Variants in CEP112 observed in about 807,000 individuals in gnomAD.
CEP112 encodes centrosomal protein 112, also known as centrosomal protein of 112 kDa.
A neutral mutation model predicts 153.0 loss-of-function variants in CEP112; 127 were observed. That is an observed-to-expected ratio of 0.83 (90% CI 0.72 to 0.96). CEP112 has a LOEUF of 0.96. Ranked by LOEUF, CEP112 falls within the 40% of genes least tolerant of loss-of-function variation. The pLI is 0.00. For missense variants in CEP112, 1,089 were observed against 1,101.2 expected (o/e 0.99, Z 0.16); for synonymous variants, 358 against 374.4 (o/e 0.96, Z 0.51).
At chr17:65,876,725 T>G (rs1324605801) in intron 20 of CEP112, among the ~76,000 whole-genome samples, 1 of 152,068 alleles carries the variant, frequency 6.6e-6, no homozygotes, top group Non-Finnish European at 1.5e-5. Flanking sequence ...TGAAATATAT[T>G]TTTACACTCT....
At chr17:65,735,363 C>G (rs1179418007) in intron 23 of CEP112, among the ~76,000 whole-genome samples, 2 of 152,122 alleles carry the variant, frequency 1.3e-5, no homozygotes. Context: ...CTACTTTTCT[C>G]TAAGACAGCC....
intron 6 of CEP112, among the ~76,000 whole-genome samples, chr17:66,125,841 T>C (rs543780734): frequency 4.4e-4 from 67 of 152,200 alleles, no homozygotes; most frequent in African/African-American, 1.6e-3. Context: ...AAAGAAAATA[T>C]TATCAATTCA....
intron 24 of CEP112, chr17:65,661,688 G>C (rs2046392692): frequency 6.6e-6 from 1 of 152,156 alleles, no homozygotes; most frequent in Non-Finnish European, 1.5e-5. Context: ...TGAAGTTTGA[G>C]ACCATTACAT....
intron 21 of CEP112, among the ~76,000 whole-genome samples, chr17:65,761,004 T>A (rs1053224436): frequency 6.6e-6 from 1 of 152,154 alleles, no homozygotes. Context: ...GCAGATTGTG[T>A]CTAGGTTATC....
At chr17:65,751,779 A>G (rs2145263701) in intron 21 of CEP112, among the ~76,000 whole-genome samples, 1 of 152,280 alleles carries the variant, frequency 6.6e-6, no homozygotes, top group East Asian at 1.9e-4. Flanking sequence ...CAGCATCATC[A>G]TTAACATCCC....
intron 8 of CEP112, among the ~76,000 whole-genome samples, chr17:66,075,341 A>G (rs1312463748): frequency 6.6e-6 from 1 of 152,230 alleles, no homozygotes; most frequent in Non-Finnish European, 1.5e-5. Context: ...AGTCCAGTGT[A>G]AGCGGCACAA....
chr17:65,717,002 C>T (rs1280742112), intron 23 of CEP112, among the ~76,000 whole-genome samples: 1 of 152,160 alleles, frequency 6.6e-6, no homozygotes, highest in Admixed American at 6.5e-5. Context: ...CATTTAGAAC[C>T]TTCAGAAGCC....
intron 4 of CEP112, among the ~76,000 whole-genome samples, chr17:66,174,451 A>G (rs1230315860): frequency 2.0e-5 from 3 of 152,338 alleles, no homozygotes; most frequent in Middle Eastern, 3.4e-3. Context: ...AGTATGGTAC[A>G]TGGTAATTGA....
At chr17:65,644,717 C>T (rs1164663621) in intron 24 of CEP112, 1 of 153,602 alleles carries the variant, frequency 6.5e-6, no homozygotes, top group Non-Finnish European at 1.4e-5. Flanking sequence ...AAAAATGCTT[C>T]AATCCCACTT....
At chr17:65,770,931 A>G (rs2053314063) in intron 21 of CEP112, among the ~76,000 whole-genome samples, 1 of 149,242 alleles carries the variant, frequency 6.7e-6, no homozygotes, top group Non-Finnish European at 1.5e-5. Flanking sequence ...TCCGTCTTAA[A>G]AAAAAAAAAA....
chr17:66,170,121 T>C (rs945409940), intron 4 of CEP112, among the ~76,000 whole-genome samples: 2 of 152,200 alleles, frequency 1.3e-5, no homozygotes, highest in Non-Finnish European at 2.9e-5. Context: ...GATGAAGTAA[T>C]GTAATCCTGG....
At chr17:66,114,207 T>A (rs1186486148) in intron 6 of CEP112, among the ~76,000 whole-genome samples, 1 of 152,222 alleles carries the variant, frequency 6.6e-6, no homozygotes, top group African/African-American at 2.4e-5. Flanking sequence ...ATGTAATAAC[T>A]TAGGCTAGAC....
At chr17:66,159,198 G>T (rs571982020) in intron 4 of CEP112, among the ~76,000 whole-genome samples, 8 of 152,264 alleles carry the variant, frequency 5.3e-5, no homozygotes, top group Non-Finnish European at 8.8e-5. Flanking sequence ...TGAAATTGAG[G>T]CAGTAATTAA....
intron 21 of CEP112, among the ~76,000 whole-genome samples, chr17:65,800,218 C>A (rs1390551273): frequency 1.3e-5 from 2 of 152,064 alleles, no homozygotes; most frequent in Non-Finnish European, 2.9e-5. Context: ...TCACCACAAT[C>A]TGATTCTGAT....
At chr17:65,870,082 AAAAG>A (rs1201998714) in intron 20 of CEP112, among the ~76,000 whole-genome samples, 1 of 73,256 alleles carries the variant, frequency 1.4e-5, no homozygotes. Context: ...AGAAAGAAAG[AAAAG>A]AAAGAAAGAG....
intron 21 of CEP112, among the ~76,000 whole-genome samples, chr17:65,814,270 C>A (rs1379550528): frequency 6.6e-6 from 1 of 152,156 alleles, no homozygotes; most frequent in East Asian, 1.9e-4. Flanking sequence ...ATTATTTCCT[C>A]AGTGAAGCCC....
intron 12 of CEP112, among the ~76,000 whole-genome samples, chr17:66,051,866 C>G (rs980055648): frequency 7.5e-6 from 1 of 133,066 alleles, no homozygotes; most frequent in Non-Finnish European, 1.6e-5. Flanking sequence ...AAAATGAGAT[C>G]ATGTCCCAAT....
At chr17:65,922,979 C>A (rs1202811846) in intron 19 of CEP112, among the ~76,000 whole-genome samples, 1 of 152,106 alleles carries the variant, frequency 6.6e-6, no homozygotes, top group Non-Finnish European at 1.5e-5. Flanking sequence ...AAACCAGTTT[C>A]CAAGCAACTT....
intron 12 of CEP112, among the ~76,000 whole-genome samples, chr17:66,041,211 A>C (rs1357894705): frequency 6.6e-6 from 1 of 151,788 alleles, no homozygotes; most frequent in Non-Finnish European, 1.5e-5. Flanking sequence ...TATATAATGA[A>C]TATACATTGA....
Sources: allele counts gnomAD v4.1 joint callset (sites outside exome capture counted in the v4.1 genomes callset), GRCh38; gene constraint gnomAD v4.1.1; transcripts MANE v1.5; gene names NCBI Gene and HGNC (gene_info 2026-07-23, HGNC 2026-07-21).